ATXN1: variants seen among roughly 807,000 people sequenced by gnomAD.
The protein encoded by ATXN1 is ataxin-1.
In ATXN1, 8 loss-of-function variants were observed where a neutral mutation model predicts 56.4. That is an observed-to-expected ratio of 0.14 (90% CI 0.08 to 0.26). The LOEUF is 0.26. Ranked by LOEUF, ATXN1 falls within the 10% of genes least tolerant of loss-of-function variation. ATXN1 has a pLI of 1.00. For synonymous variants in ATXN1, 514 were observed against 494.6 expected (o/e 1.04, Z -0.52); for missense variants, 987 against 1,106.5 (o/e 0.89, Z 1.53).
chr6:16,613,547 T>C (rs914192452), intron 3 of ATXN1, among the ~76,000 whole-genome samples: 4 of 151,702 alleles, frequency 2.6e-5, no homozygotes, highest in African/African-American at 9.7e-5. Context: ...ATAGAAATGG[T>C]CAGGTCCGGT....
At chr6:16,436,358 C>T (rs1217542966) in intron 6 of ATXN1, among the ~76,000 whole-genome samples, 1 of 152,066 alleles carries the variant, frequency 6.6e-6, no homozygotes. Context: ...GACAAAGACA[C>T]CCCCAACAAC....
intron 7 of ATXN1, among the ~76,000 whole-genome samples, chr6:16,319,734 A>G (rs1318469278): frequency 6.6e-6 from 1 of 152,228 alleles, no homozygotes; most frequent in Non-Finnish European, 1.5e-5. Context: ...TGCTTTAAAC[A>G]ATAGTCTTTA....
rs1306262760 is a variant in ATXN1, at chr6:16,299,545, C to G, written c.*6784G>C. The G allele has an allele frequency of 1.3e-5, 2 of 152,614 alleles. No individual in the cohort carries two copies. Among genetic ancestry groups the G allele is most frequent in the Non-Finnish European group, 2.9e-5 (2 of 68,036 alleles). 9.5% of individuals were successfully genotyped at this position (152,614 alleles called of 1,614,324 possible). On this transcript the variant is annotated 3_prime_UTR_variant, in exon 8 of 8. Coordinates refer to ENST00000436367, the MANE Select transcript of ATXN1 (RefSeq NM_001128164.2). ...GCAAAACATCATTCCTTCCCTAGTTCTCCTCTGTACTGGCCATGTCAGTCT... is the reference window on the plus strand; with the variant it reads ...GCAAAACATCATTCCTTCCCTAGTTGTCCTCTGTACTGGCCATGTCAGTCT...
intron 6 of ATXN1, among the ~76,000 whole-genome samples, chr6:16,379,114 C>T (rs1451983941): frequency 6.6e-6 from 1 of 152,138 alleles, no homozygotes; most frequent in East Asian, 1.9e-4. Context: ...TTTGCAGTGA[C>T]CTGGATGAGA....
At chr6:16,490,129 A>G (rs1487985460) in intron 5 of ATXN1, among the ~76,000 whole-genome samples, 1 of 87,832 alleles carries the variant, frequency 1.1e-5, no homozygotes, top group Admixed American at 1.3e-4. Flanking sequence ...GAAGCGACAA[A>G]TGACCAAAAA....
chr6:16,576,248 A>G (rs773933976), intron 4 of ATXN1, among the ~76,000 whole-genome samples: 4 of 152,118 alleles, frequency 2.6e-5, no homozygotes, highest in Non-Finnish European at 4.4e-5. Flanking sequence ...ACTTAATTCA[A>G]TTTTCTTGTA....
At chr6:16,477,365 T>C (rs1760346721) in intron 6 of ATXN1, among the ~76,000 whole-genome samples, 1 of 152,238 alleles carries the variant, frequency 6.6e-6, no homozygotes, top group East Asian at 1.9e-4. Flanking sequence ...ATTTCTATGT[T>C]CTTTGGATCC....
At chr6:16,609,377 T>C (rs565840675) in intron 3 of ATXN1, among the ~76,000 whole-genome samples, 44 of 152,260 alleles carry the variant, frequency 2.9e-4, no homozygotes, top group African/African-American at 1.0e-3. Context: ...GAAAAATGCA[T>C]CCTCTGCTAC....
chr6:16,548,454 C>T (rs899737415), intron 4 of ATXN1, among the ~76,000 whole-genome samples: 1 of 152,188 alleles, frequency 6.6e-6, no homozygotes, highest in African/African-American at 2.4e-5. Context: ...ACTTAGCTTA[C>T]TGTAACTTTT....
chr6:16,361,727 C>T (rs2113475884), intron 6 of ATXN1, among the ~76,000 whole-genome samples: 1 of 152,228 alleles, frequency 6.6e-6, no homozygotes, highest in South Asian at 2.1e-4. Flanking sequence ...CCTACAATCC[C>T]CCAGTTGTTT....
chr6:16,398,921 G>T (rs990201177), intron 6 of ATXN1, among the ~76,000 whole-genome samples: 2 of 152,198 alleles, frequency 1.3e-5, no homozygotes, highest in Non-Finnish European at 1.5e-5. Flanking sequence ...TTCAGAAAAA[G>T]TTGAACCGAT....
chr6:16,422,309 A>AGAGGG (rs1759053318), intron 6 of ATXN1, among the ~76,000 whole-genome samples: 1 of 152,184 alleles, frequency 6.6e-6, no homozygotes, highest in Non-Finnish European at 1.5e-5. Context: ...GAGGGAGAGG[A>AGAGGG]AGCTGTGCAC....
At chr6:16,315,271 T>C (rs1176628113) in intron 7 of ATXN1, among the ~76,000 whole-genome samples, 1 of 152,228 alleles carries the variant, frequency 6.6e-6, no homozygotes, top group East Asian at 1.9e-4. Context: ...ATCAAGCACC[T>C]TGGAATCATA....
At chr6:16,570,822 A>G (rs1762319567) in intron 4 of ATXN1, among the ~76,000 whole-genome samples, 1 of 152,210 alleles carries the variant, frequency 6.6e-6, no homozygotes, top group East Asian at 1.9e-4. Flanking sequence ...GAGTCTGTCT[A>G]ATCCAAAACC....
At chr6:16,720,596 G>T (rs564729870) in intron 2 of ATXN1, among the ~76,000 whole-genome samples, 11 of 152,312 alleles carry the variant, frequency 7.2e-5, no homozygotes, top group African/African-American at 2.6e-4. Flanking sequence ...AGTCAAGAAT[G>T]CTTACTATTA....
intron 2 of ATXN1, among the ~76,000 whole-genome samples, chr6:16,743,320 C>G (rs909855522): frequency 6.6e-6 from 1 of 152,216 alleles, no homozygotes; most frequent in African/African-American, 2.4e-5. Flanking sequence ...CTCCTTAGCA[C>G]AGGCTTCTTA....
At chr6:16,369,536 A>C (rs9477094) in intron 6 of ATXN1, among the ~76,000 whole-genome samples, 5,244 of 152,324 alleles carry the variant, frequency 0.034, 302 homozygotes, top group African/African-American at 0.12. Context: ...CTCATGCGGT[A>C]AATGCCCATG....
intron 2 of ATXN1, among the ~76,000 whole-genome samples, chr6:16,747,929 C>T (rs1272937568): frequency 6.6e-6 from 1 of 152,152 alleles, no homozygotes; most frequent in South Asian, 2.1e-4. Context: ...TTAGAGCTTG[C>T]GTTCAGCGCC....
intron 6 of ATXN1, among the ~76,000 whole-genome samples, chr6:16,483,592 T>C (rs906310694): frequency 3.0e-4 from 45 of 151,810 alleles, no homozygotes; most frequent in African/African-American, 9.9e-4. Context: ...GCACAAAGAG[T>C]TCACTAGAAT....
Sources: gnomAD v4.1 joint callset for allele counts (sites outside exome capture counted in the v4.1 genomes callset) on GRCh38, gnomAD v4.1.1 for gene constraint, MANE v1.5 for transcripts, NCBI Gene and HGNC (gene_info 2026-07-23, HGNC 2026-07-21) for gene names.